The following LRRC37B variants were observed in gnomAD, a reference collection of about 807,000 sequenced individuals.
LRRC37B encodes the protein leucine rich repeat containing 37B.
A neutral mutation model predicts 98.3 loss-of-function variants in LRRC37B; 28 were observed. The ratio of observed to expected loss-of-function variants is 0.28; its 90% CI spans 0.21 to 0.39. The LOEUF (loss-of-function observed/expected upper bound fraction) is 0.39, where lower values mean the gene tolerates loss of function less well. LRRC37B is among the 10% of genes least tolerant of loss of function. The pLI is 1.00. For missense variants in LRRC37B, 938 were observed against 1,182.7 expected (o/e 0.79, Z 3.03); for synonymous variants, 364 against 442.7 (o/e 0.82, Z 2.23).
intron 1 of LRRC37B, among the ~76,000 whole-genome samples, chr17:32,010,111 C>T (rs1186245605): frequency 6.6e-6 from 1 of 152,198 alleles, no homozygotes; most frequent in Non-Finnish European, 1.5e-5. Flanking sequence ...ATGAAGTCTG[C>T]TTTACCACAT....
chr17:32,050,234 G>C, intron 11 of LRRC37B, 127 bp downstream of exon 14: 1 of 690,304 alleles, frequency 1.4e-6, no homozygotes, highest in African/African-American at 1.8e-5. Context: ...TAAGGCTGAG[G>C]TGTGCTTTGT....
At chr17:32,023,415 G>C (rs957104113) in intron 1 of LRRC37B, among the ~76,000 whole-genome samples, 18 of 152,184 alleles carry the variant, frequency 1.2e-4, no homozygotes, top group African/African-American at 4.3e-4. Flanking sequence ...GAGCCACCGC[G>C]CCTGGCCCGC....
At chr17:32,030,595 T>G in intron 3 of LRRC37B, 61 bp from the exon 7 acceptor site, 1 of 1,392,606 alleles carries the variant, frequency 7.2e-7, no homozygotes, top group Non-Finnish European at 9.7e-7. Context: ...CTCTTGCTAT[T>G]ATTCATACCA....
At chr17:32,030,350 G>A (rs574797200) in intron 3 of LRRC37B, among the ~76,000 whole-genome samples, 2 of 151,870 alleles carry the variant, frequency 1.3e-5, no homozygotes, top group East Asian at 3.9e-4. Flanking sequence ...AGAGATAAAA[G>A]CTTTGAGCTC....
chr17:32,025,093 G>GT (rs1910916526), intron 2 of LRRC37B, among the ~76,000 whole-genome samples: 1 of 109,584 alleles, frequency 9.1e-6, no homozygotes, highest in South Asian at 3.7e-4. Flanking sequence ...CTGGAGTGCA[G>GT]TGGCATAATC....
intron 5 of LRRC37B, among the ~76,000 whole-genome samples, chr17:32,032,576 C>G (rs1244422739): frequency 6.6e-6 from 1 of 152,142 alleles, no homozygotes; most frequent in Non-Finnish European, 1.5e-5. Context: ...AAAATACTTT[C>G]CACCTTTCTT....
intron 3 of LRRC37B, chr17:32,029,013 T>A (rs1000240553): frequency 5.3e-5 from 8 of 152,168 alleles, no homozygotes; most frequent in East Asian, 3.9e-4. Flanking sequence ...ATTTATTATT[T>A]TTTTTTGAGA....
chr17:32,012,225 G>C (rs1047591332), intron 1 of LRRC37B, among the ~76,000 whole-genome samples: 1 of 152,190 alleles, frequency 6.6e-6, no homozygotes. Flanking sequence ...TGATTACTGA[G>C]AAAGGAGTGT....
intron 8 of LRRC37B, among the ~76,000 whole-genome samples, chr17:32,046,039 G>C (rs1407672898): frequency 2.6e-5 from 4 of 152,172 alleles, no homozygotes; most frequent in African/African-American, 9.7e-5. Context: ...ATGCATAAAG[G>C]ACCAAGAGAA....
At chr17:32,014,702 A>G (rs552811360) in intron 1 of LRRC37B, among the ~76,000 whole-genome samples, 2 of 141,156 alleles carry the variant, frequency 1.4e-5, no homozygotes, top group African/African-American at 2.9e-5. Flanking sequence ...GTATGTAGAT[A>G]TAGATAGATA....
At chr17:32,052,698 C>T (rs1911791914) in intron 11 of LRRC37B, 1 of 152,236 alleles carries the variant, frequency 6.6e-6, no homozygotes, top group Non-Finnish European at 1.5e-5. Flanking sequence ...GTACATGGGA[C>T]CAGGCACGGT....
exon 1 of LRRC37B, chr17:32,021,039 T>C: frequency 6.3e-7 from 1 of 1,596,422 alleles, no homozygotes; most frequent in East Asian, 2.2e-5. Context: ...AAAGGTGACA[T>C]AAATAAAGGT....
chr17:32,033,214 G>C (rs1029259799), intron 5 of LRRC37B, among the ~76,000 whole-genome samples: 1 of 151,816 alleles, frequency 6.6e-6, no homozygotes, highest in Non-Finnish European at 1.5e-5. Context: ...CCTGACCTCA[G>C]ATGATCCACC....
At chr17:32,020,860 C>T (rs1416578320), upstream of LRRC37B, 10 of 1,095,726 alleles carry the variant, frequency 9.1e-6, no homozygotes, top group Non-Finnish European at 1.1e-5. Context: ...CACCCCACCA[C>T]AGCAGGCCGC....
intron 8 of LRRC37B, among the ~76,000 whole-genome samples, chr17:32,046,881 T>C (rs562350366): frequency 1.4e-4 from 22 of 152,080 alleles, no homozygotes; most frequent in African/African-American, 4.8e-4. Context: ...TTGACCTTCA[T>C]GCAGTCAGAA....
chr17:32,048,962 T>G, intron 9 of LRRC37B, 140 bp from the exon 13 acceptor site: 1 of 1,443,188 alleles, frequency 6.9e-7, no homozygotes, highest in South Asian at 1.2e-5. Flanking sequence ...ATCATCCTCC[T>G]GAGGCAGTTT....
intron 5 of LRRC37B, 66 bp from the exon 9 acceptor site, chr17:32,034,844 A>G: frequency 5.6e-6 from 7 of 1,252,456 alleles, no homozygotes. Context: ...AAAAATGAAT[A>G]TAGACTTTTT....
At chr17:32,039,469 C>T (rs1911344705) in intron 7 of LRRC37B, among the ~76,000 whole-genome samples, 1 of 97,124 alleles carries the variant, frequency 1.0e-5, no homozygotes. Flanking sequence ...AGAGCAAGAA[C>T]CTGCCTAAAA....
exon 1 of LRRC37B, chr17:32,021,663 G>T (rs774623530): frequency 1.2e-6 from 2 of 1,614,090 alleles, no homozygotes; most frequent in Non-Finnish European, 1.7e-6. Context: ...TGAAATACTT[G>T]TTCCACTAGA....
Sources: allele counts gnomAD v4.1 joint callset (sites outside exome capture counted in the v4.1 genomes callset), GRCh38; gene constraint gnomAD v4.1.1; transcripts MANE v1.5; gene names NCBI Gene and HGNC (gene_info 2026-07-23, HGNC 2026-07-21).